The following PARP4 variants were observed in gnomAD, a reference collection of about 807,000 sequenced individuals.
PARP4 encodes the protein poly(ADP-ribose) polymerase family member 4.
Under a neutral mutation model 187.7 loss-of-function variants are expected in PARP4, and 120 were observed. The observed-to-expected ratio is 0.64, with a 90% CI of 0.55 to 0.74. The LOEUF is 0.74. PARP4 is among the 30% of genes least tolerant of loss of function. The pLI is 0.00. For synonymous variants in PARP4, 654 were observed against 740.9 expected (o/e 0.88, Z 1.90); for missense variants, 1,836 against 2,070.5 (o/e 0.89, Z 2.20).
intron 7 of PARP4, among the ~76,000 whole-genome samples, chr13:24,494,366 T>C (rs761441225): frequency 5.9e-5 from 9 of 152,154 alleles, no homozygotes; most frequent in Non-Finnish European, 1.0e-4. Context: ...GGTAATGTTT[T>C]TCAGTTTACG....
chr13:24,447,126 G>C lies in PARP4; in HGVS notation c.3175C>G (p.Gln1059Glu). 1 of 1,613,422 alleles carries C rather than the reference G, an allele frequency of 6.2e-7. No individual in the cohort carries two copies. Among genetic ancestry groups the C allele is most frequent in the African/African-American group, 1.3e-5 (1 of 75,040 alleles). Reference protein sequence around the residue: ...PSCHSVSVKWQQLNPDVPEAL... With the variant: ...PSCHSVSVKWEQLNPDVPEAL... ...TCGGGCACATCTGGATTGAGTTGCT[G>C]CCATTTGACGGAGACAGAGTGGCAA... is the stretch of plus-strand genomic sequence containing the variant. Residue 1059 changes from glutamine to glutamate, a missense_variant, in exon 26 of 34, where the codon CAG (glutamine) becomes GAG (glutamate). Gln to Glu is a conservative substitution (Grantham distance 29). This residue lies in a region of PARP4 where 56 missense variants were observed against 103.7 expected (regional missense o/e 0.54). Coordinates refer to ENST00000381989, the MANE Select transcript of PARP4 (RefSeq NM_006437.4).
chr13:24,491,405 C>T (rs551849151), intron 9 of PARP4, among the ~76,000 whole-genome samples: 4 of 152,192 alleles, frequency 2.6e-5, no homozygotes, highest in African/African-American at 7.2e-5. Context: ...AGGCGTGAGC[C>T]ACCACACCCG....
chr13:24,481,212 T>C (rs182726925), intron 12 of PARP4, among the ~76,000 whole-genome samples: 1 of 152,362 alleles, frequency 6.6e-6, no homozygotes, highest in African/African-American at 2.4e-5. Context: ...GCCCAATGTA[T>C]AGATCTACTG....
At chr13:24,452,669 T>C (rs1871587657) in intron 23 of PARP4, 76 bp from the exon 24 acceptor site, 1 of 1,201,098 alleles carries the variant, frequency 8.3e-7, no homozygotes. Context: ...TTGACACATC[T>C]AAGGACAGTG....
At chr13:24,452,115 T>C (rs1871551431) in intron 24 of PARP4, 1 of 303,326 alleles carries the variant, frequency 3.3e-6, no homozygotes, top group Non-Finnish European at 6.0e-6. Context: ...GCTTTCTATG[T>C]ATGAGCTCAT....
chr13:24,432,311 C>T lies in PARP4; in HGVS notation c.4747-835G>A, dbSNP rs567436258. On this transcript the variant is annotated intron_variant, in intron 31 of 33. Coordinates refer to ENST00000381989, the MANE Select transcript of PARP4 (RefSeq NM_006437.4). ...TGTCAACTAGCAATGAGCATTGAAC[C>T]GGTATTTCTCAAGCTTTTAAAGTAT... 1.8e-4 allele frequency among the ~76,000 whole-genome samples: 27 copies of T among 152,184 alleles called. No individual in the cohort carries two copies. In the South Asian group the frequency reaches 2.1e-3, roughly 12 times the overall value.
Position 24,498,170 on chromosome 13 carries a change from G to A in PARP4, c.537C>T (p.Ser179=), listed in dbSNP as rs1273814681. The A allele has an allele frequency of 2.5e-6, 4 of 1,613,818 alleles. No homozygotes were observed. The highest frequency in any genetic ancestry group is 3.3e-5 in the Admixed American group (2 of 59,994). The change falls in exon 6 of 34, where the codon TCC becomes TCT. Residue 179 remains serine (S), a synonymous_variant. Coordinates refer to ENST00000381989, the MANE Select transcript of PARP4 (RefSeq NM_006437.4). The part of the protein sequence containing the change: ...VVVELQCSRD[S]RDCPFLISSH... ...AGGATATCAGGAAAGGACAGTCCCTGGAGTCCCGCGAACACTGAAGCTCCA... is the reference window on the plus strand; with the variant it reads ...AGGATATCAGGAAAGGACAGTCCCTAGAGTCCCGCGAACACTGAAGCTCCA...
intron 33 of PARP4, among the ~76,000 whole-genome samples, chr13:24,421,765 A>G (rs1411367038): frequency 6.6e-6 from 1 of 152,298 alleles, no homozygotes; most frequent in Admixed American, 6.5e-5. Context: ...TGAAACTGGC[A>G]TACATTCAGT....
At chr13:24,505,883 G>A (rs1869618789) in intron 1 of PARP4, among the ~76,000 whole-genome samples, 1 of 152,220 alleles carries the variant, frequency 6.6e-6, no homozygotes. Flanking sequence ...GCTTGGGCAG[G>A]CAGGTCAGGT....
intron 15 of PARP4, among the ~76,000 whole-genome samples, chr13:24,471,848 C>T (rs1337563484): frequency 6.6e-6 from 1 of 152,114 alleles, no homozygotes; most frequent in African/African-American, 2.4e-5. Context: ...TGCCCTAAGT[C>T]CTTTATATTT....
At position 24,455,032 on chromosome 13, in the gene PARP4, T is replaced by A; in HGVS notation, c.2743A>T (p.Ile915Phe). ...LVGEKQKVNIIQFGTGYKELF... is the reference protein window; with the variant it reads ...LVGEKQKVNIFQFGTGYKELF... ...GCGCACTCACCTGTGCCGAACTGGA[T>A]AATATTTACTTTCTGCTTCTCACCC... The change falls in exon 22 of 34, where the codon ATC becomes TTC. Residue 915 changes from isoleucine (I) to phenylalanine (F), a missense_variant. By Grantham distance (21) the Ile-to-Phe change is conservative (BLOSUM62 0). Coordinates refer to ENST00000381989, the MANE Select transcript of PARP4 (RefSeq NM_006437.4). The A allele has an allele frequency of 6.2e-7, 1 of 1,606,788 alleles. No homozygotes were observed. Among genetic ancestry groups the A allele is most frequent in the East Asian group, 2.2e-5 (1 of 44,680 alleles).
chr13:24,506,851 C>G (rs1344580302), intron 1 of PARP4, among the ~76,000 whole-genome samples: 1 of 152,228 alleles, frequency 6.6e-6, no homozygotes, highest in African/African-American at 2.4e-5. Flanking sequence ...TCGATGGGAC[C>G]GGGCGCCGGC....
intron 20 of PARP4, among the ~76,000 whole-genome samples, chr13:24,456,906 AAAAACAAAAC>A (rs1232714594): frequency 6.6e-6 from 1 of 152,162 alleles, no homozygotes; most frequent in East Asian, 1.9e-4. Context: ...GTCTCAAAAC[AAAAACAAAAC>A]AAAACAAAAC....
chr13:24,421,946 G>C (rs9551101), intron 33 of PARP4, among the ~76,000 whole-genome samples: 62,184 of 144,892 alleles, frequency 0.43, 13,555 homozygotes, highest in South Asian at 0.6. Flanking sequence ...CATTTGTTCT[G>C]TCATCTGCTA....
chr13:24,482,146 C>G (rs1458321987), intron 12 of PARP4, among the ~76,000 whole-genome samples: 1 of 152,172 alleles, frequency 6.6e-6, no homozygotes, highest in African/African-American at 2.4e-5. Context: ...ACTAGAATTA[C>G]AATTGGAGCC....
rs780624779 is a variant in PARP4 at position 24,435,457 on chromosome 13, A to G, written c.3684T>C (p.Ser1228=). 1 of 1,598,696 alleles carries G rather than the reference A, an allele frequency of 6.3e-7. No homozygotes were observed. The highest frequency in any genetic ancestry group is 8.5e-7 in the Non-Finnish European group (1 of 1,175,758). ...AVRNQSLLAS[S]EWPELRLSKR... ...TGGATAAACGTAATTCTGGCCACTC[A>G]GAGGATGCTAAAAGAGACTGCCCAG... The change falls in exon 31 of 34, where the codon TCT becomes TCC. Residue 1228 remains serine, a synonymous_variant. Coordinates refer to ENST00000381989, the MANE Select transcript of PARP4 (RefSeq NM_006437.4).
chr13:24,432,685 C>T (rs1484416283), intron 31 of PARP4, among the ~76,000 whole-genome samples: 13 of 151,972 alleles, frequency 8.6e-5, no homozygotes, highest in Admixed American at 8.5e-4. Context: ...TAAAAATGTA[C>T]CCTGATGTAG....
At chr13:24,470,824 G>C (rs989315599) in intron 15 of PARP4, among the ~76,000 whole-genome samples, 1 of 151,996 alleles carries the variant, frequency 6.6e-6, no homozygotes, top group African/African-American at 2.4e-5. Context: ...CTGCCCCTAG[G>C]GTGTGTAGGG....
Position 24,434,424 on chromosome 13 carries a change from A to C in PARP4, c.4717T>G (p.Trp1573Gly). The C allele has an allele frequency of 6.3e-7, 1 of 1,583,380 alleles. No individual in the cohort carries two copies. Among genetic ancestry groups the C allele is most frequent in the African/African-American group, 1.3e-5 (1 of 74,394 alleles). The stretch of plus-strand genomic sequence containing the variant: ...GTCTGTAGACTGAGGAGTTCTGTCC[A>C]AGGCACAGCATCCTGCCAGTGTTGT... ...CIQHWQDAVPWTELLSLQTED... is the reference protein window; with the variant it reads ...CIQHWQDAVPGTELLSLQTED... The change falls in exon 31 of 34, where the codon TGG becomes GGG. Residue 1573 changes from tryptophan (W) to glycine (G), a missense_variant. This residue lies in a region of PARP4 where 450 missense variants were observed against 439.2 expected (regional missense o/e 1.02). Coordinates refer to ENST00000381989, the MANE Select transcript of PARP4 (RefSeq NM_006437.4).
Sources: allele counts gnomAD v4.1 joint callset (sites outside exome capture counted in the v4.1 genomes callset), GRCh38; gene constraint gnomAD v4.1.1; regional missense constraint gnomAD v4.1.1; transcripts MANE v1.5; gene names NCBI Gene and HGNC (gene_info 2026-07-23, HGNC 2026-07-21).